The following UGT1A5 variants were observed in gnomAD, a reference collection of about 807,000 sequenced individuals.
UGT1A5 encodes the protein UDP glucuronosyltransferase family 1 member A5.
Under a neutral mutation model 40.3 loss-of-function variants are expected in UGT1A5, and 29 were observed. The observed-to-expected ratio is 0.72, with a 90% CI of 0.54 to 0.98. The LOEUF (loss-of-function observed/expected upper bound fraction) is 0.98. Ranked by LOEUF, UGT1A5 falls within the 50% of genes least tolerant of loss-of-function variation. The pLI is 0.00. For missense variants in UGT1A5, 678 were observed against 677.9 expected (o/e 1.00, Z 0.00); for synonymous variants, 257 against 262.5 (o/e 0.98, Z 0.20).
At chr2:233,720,316 G>A (rs1418741193) in intron 1 of UGT1A5, among the ~76,000 whole-genome samples, 1 of 152,090 alleles carries the variant, frequency 6.6e-6, no homozygotes, top group Admixed American at 6.5e-5. Context: ...TGTATGATGT[G>A]GGGACATCGT....
intron 1 of UGT1A5, among the ~76,000 whole-genome samples, chr2:233,758,061 G>A (rs554813737): frequency 6.6e-6 from 1 of 152,232 alleles, no homozygotes; most frequent in Non-Finnish European, 1.5e-5. Context: ...TTTCTAACTT[G>A]ACTTTCTGGG....
intron 1 of UGT1A5, among the ~76,000 whole-genome samples, chr2:233,766,376 C>T (rs1699131127): frequency 6.6e-6 from 1 of 152,176 alleles, no homozygotes; most frequent in Admixed American, 6.5e-5. Context: ...GAGTTCTTCT[C>T]AATGTCCAGC....
Position 233,744,108 on chromosome 2 carries a change from T to A in UGT1A5, c.868-22926T>A, listed in dbSNP as rs537609237. 59 of 394,748 alleles carry A rather than the reference T, an allele frequency of 1.5e-4. No individual in the cohort carries two copies. The East Asian group carries it at 2.4e-3, about 16-fold the overall frequency. The allele number at this position is 394,748 out of a possible 1,614,324, so 24.5% of individuals were successfully genotyped here. On this transcript the variant is annotated intron_variant, in intron 1 of 4. Coordinates refer to ENST00000373414, the MANE Select transcript of UGT1A5 (RefSeq NM_019078.2). ...GATGCAGTGCTTCTGGGACTGGCCC[T>A]GCTCTCTGTGAGGCTCTGTGAGGCC...
chr2:233,768,499 A>G (rs528932470), intron 4 of UGT1A5, 60 bp downstream of exon 4: 7 of 1,570,454 alleles, frequency 4.5e-6, no homozygotes, highest in Non-Finnish European at 6.1e-6. Flanking sequence ...AATTGTTTCA[A>G]ATATGAAAAC....
chr2:233,765,623 G>A (rs1698893578), intron 1 of UGT1A5, among the ~76,000 whole-genome samples: 1 of 151,662 alleles, frequency 6.6e-6, no homozygotes, highest in Admixed American at 6.6e-5. Flanking sequence ...AGGGGTGAGG[G>A]GAGGAACTTA....
intron 1 of UGT1A5, chr2:233,755,022 A>C: frequency 7.7e-7 from 1 of 1,305,146 alleles, no homozygotes; most frequent in South Asian, 1.2e-5. Flanking sequence ...GGGGTCCTTG[A>C]AGGGCCTGCC....
In UGT1A5 at chr2:233,713,145, C is replaced by A; in HGVS notation, c.154C>A (p.His52Asn). The part of the protein sequence containing the change: ...LSMREALRDL[H>N]ARGHQVVVLT... ...CATGCGGGAGGCCTTGCGGGACCTC[C>A]ATGCGAGAGGCCACCAGGTGGTGGT... Residue 52 changes from histidine to asparagine, a missense_variant, in exon 1 of 5, where the codon CAT becomes AAT. Coordinates refer to ENST00000373414, the MANE Select transcript of UGT1A5 (RefSeq NM_019078.2). The A allele has an allele frequency of 6.2e-7, 1 of 1,614,224 alleles. No homozygotes were observed. Among genetic ancestry groups the A allele is most frequent in the Non-Finnish European group, 8.5e-7 (1 of 1,180,040 alleles).
intron 1 of UGT1A5, among the ~76,000 whole-genome samples, chr2:233,724,489 G>GGTT (rs2077269335): frequency 1.4e-5 from 1 of 73,260 alleles, no homozygotes; most frequent in Non-Finnish European, 2.9e-5. Context: ...CAGACGGGGC[G>GGTT]GCCGGGCAGA....
intron 1 of UGT1A5, chr2:233,760,576 CATA>C: frequency 6.2e-7 from 1 of 1,614,196 alleles, no homozygotes; most frequent in Non-Finnish European, 8.5e-7. Flanking sequence ...TAGTCTCGGG[CATA>C]ATGTTTTTGA....
chr2:233,772,801 T>A lies in UGT1A5; in HGVS notation c.*242T>A. ...CTTTGATCAGGATGACATGTGCCATTTTTCAGAGGACGTGCAGACAGGCTG... is the reference window on the plus strand; with the variant it reads ...CTTTGATCAGGATGACATGTGCCATATTTCAGAGGACGTGCAGACAGGCTG... On this transcript the variant is annotated 3_prime_UTR_variant, in exon 5 of 5. Coordinates refer to ENST00000373414, the MANE Select transcript of UGT1A5 (RefSeq NM_019078.2). The A allele has an allele frequency of 2.6e-6, 3 of 1,145,220 alleles. No homozygotes were observed. Among genetic ancestry groups the A allele is most frequent in the South Asian group, 3.5e-5 (2 of 57,704 alleles). 70.9% of individuals were successfully genotyped at this position (1,145,220 alleles called of 1,614,324 possible).
chr2:233,744,013 C>G, intron 1 of UGT1A5: 1 of 1,057,576 alleles, frequency 9.5e-7, no homozygotes. Flanking sequence ...ACCTGGGCCG[C>G]CTGGAGAGAC....
At chr2:233,749,246 T>A (rs765293150) in intron 1 of UGT1A5, among the ~76,000 whole-genome samples, 1 of 151,940 alleles carries the variant, frequency 6.6e-6, no homozygotes, top group East Asian at 1.9e-4. Flanking sequence ...TCAAACCACA[T>A]GATTTTTTTA....
chr2:233,756,853 G>A (rs1211591788), intron 1 of UGT1A5, among the ~76,000 whole-genome samples: 2 of 151,934 alleles, frequency 1.3e-5, no homozygotes, highest in Non-Finnish European at 2.9e-5. Flanking sequence ...ACATTCTAAC[G>A]GTTCATAAAG....
intron 1 of UGT1A5, chr2:233,748,092 G>A (rs1693863465): frequency 6.2e-7 from 1 of 1,612,734 alleles, no homozygotes; most frequent in Non-Finnish European, 8.5e-7. Flanking sequence ...CGGTGTTCGT[G>A]CCTTCATCCA....
chr2:233,740,376 T>C lies in UGT1A5; in HGVS notation c.867+26518T>C, dbSNP rs543256832. On this transcript the variant is annotated intron_variant, in intron 1 of 4. Coordinates refer to ENST00000373414, the MANE Select transcript of UGT1A5 (RefSeq NM_019078.2). Reference sequence around the variant, plus strand: ...AATTAGAAATTCCTAGAAAGGTAAGTTGTTGTGTGAATTATTTCCCAAAAT... The same window carrying C: ...AATTAGAAATTCCTAGAAAGGTAAGCTGTTGTGTGAATTATTTCCCAAAAT... 9.3e-4 allele frequency among the ~76,000 whole-genome samples: 142 copies of C among 151,968 alleles called. No homozygotes were observed. In the South Asian group the frequency reaches 0.011, roughly 12 times the overall value.
At chr2:233,717,241 C>T (rs1043328555) in intron 1 of UGT1A5, among the ~76,000 whole-genome samples, 3 of 152,144 alleles carry the variant, frequency 2.0e-5, no homozygotes, top group African/African-American at 7.2e-5. Flanking sequence ...AAGATGCAGA[C>T]AGTTTTAAGG....
chr2:233,757,560 A>ATGTG (rs199649558), intron 1 of UGT1A5, among the ~76,000 whole-genome samples: 1 of 123,156 alleles, frequency 8.1e-6, no homozygotes, highest in African/African-American at 3.4e-5. Context: ...ATATATATAT[A>ATGTG]TGTATATATG....
chr2:233,743,388 G>A (rs1692276435), intron 1 of UGT1A5: 2 of 1,234,066 alleles, frequency 1.6e-6, no homozygotes, highest in Non-Finnish European at 2.2e-6. Flanking sequence ...CGTAGGACAT[G>A]CAGAAGGAAG....
At chr2:233,743,757 C>G (rs774172513) in intron 1 of UGT1A5, 2 of 1,367,374 alleles carry the variant, frequency 1.5e-6, no homozygotes, top group South Asian at 1.1e-5. Context: ...GACAACACCT[C>G]GTAGGCCTCG....
Sources: allele counts gnomAD v4.1 joint callset (sites outside exome capture counted in the v4.1 genomes callset), GRCh38; gene constraint gnomAD v4.1.1; transcripts MANE v1.5; gene names NCBI Gene and HGNC (gene_info 2026-07-23, HGNC 2026-07-21).